Variants in LRRIQ3 observed in about 807,000 individuals in gnomAD.
The protein encoded by LRRIQ3 is leucine rich repeats and IQ motif containing 3.
In LRRIQ3, 75 loss-of-function variants were observed where a neutral mutation model predicts 59.3. That is an observed-to-expected ratio of 1.26 (90% CI 1.05 to 1.53). The LOEUF is 1.53. Among genes scored for constraint, LRRIQ3 ranks in the 40% most tolerant of loss-of-function variants. The pLI, the probability that LRRIQ3 is intolerant of heterozygous loss-of-function variation, is 0.00. For missense variants in LRRIQ3, 831 were observed against 710.0 expected (o/e 1.17, Z -1.94); for synonymous variants, 250 against 231.3 (o/e 1.08, Z -0.73).
chr1:74,080,491 T>C (rs893160159), intron 5 of LRRIQ3, among the ~76,000 whole-genome samples: 2 of 151,706 alleles, frequency 1.3e-5, no homozygotes, highest in African/African-American at 2.4e-5. Flanking sequence ...GTGGTAACCA[T>C]TGCCTCTATC....
chr1:74,104,326 G>C (rs1204117303), intron 5 of LRRIQ3, among the ~76,000 whole-genome samples: 6 of 151,900 alleles, frequency 3.9e-5, no homozygotes, highest in Non-Finnish European at 8.8e-5. Flanking sequence ...TCCAGCAATT[G>C]TATTCCTTGG....
intron 5 of LRRIQ3, chr1:74,109,000 G>A: frequency 3.7e-6 from 1 of 269,806 alleles, no homozygotes; most frequent in Non-Finnish European, 7.2e-6. Context: ...TTTCCACTGG[G>A]TCCTCAAAGC....
intron 3 of LRRIQ3, among the ~76,000 whole-genome samples, chr1:74,160,014 A>C (rs982219576): frequency 6.6e-6 from 1 of 151,856 alleles, no homozygotes; most frequent in African/African-American, 2.4e-5. Flanking sequence ...TAATTCCCCT[A>C]TATTCAATTT....
intron 5 of LRRIQ3, among the ~76,000 whole-genome samples, chr1:74,089,748 T>C (rs1263274890): frequency 6.6e-6 from 1 of 152,058 alleles, no homozygotes; most frequent in African/African-American, 2.4e-5. Flanking sequence ...ATTTAATTAG[T>C]GATGATCGTT....
chr1:74,063,070 A>T (rs994621873), intron 6 of LRRIQ3, among the ~76,000 whole-genome samples: 2 of 150,902 alleles, frequency 1.3e-5, no homozygotes, highest in African/African-American at 4.9e-5. Flanking sequence ...AAAGCAAAAC[A>T]AAACAAAAAA....
intron 4 of LRRIQ3, among the ~76,000 whole-genome samples, chr1:74,122,747 A>G (rs1646878502): frequency 6.6e-6 from 1 of 152,178 alleles, no homozygotes; most frequent in Admixed American, 6.6e-5. Flanking sequence ...CCTAGGCAAT[A>G]CCATTCAGGA....
intron 5 of LRRIQ3, among the ~76,000 whole-genome samples, chr1:74,093,943 C>T (rs943635163): frequency 2.0e-5 from 3 of 152,154 alleles, no homozygotes; most frequent in Middle Eastern, 3.4e-3. Context: ...GGTAGGGCTT[C>T]CATAGACTGA....
chr1:74,094,196 T>C (rs2100523067), intron 5 of LRRIQ3, among the ~76,000 whole-genome samples: 1 of 152,154 alleles, frequency 6.6e-6, no homozygotes, highest in East Asian at 1.9e-4. Flanking sequence ...ATTACTTCTT[T>C]AGAGTCCCCA....
chr1:74,100,561 C>A (rs1378223464), intron 5 of LRRIQ3, among the ~76,000 whole-genome samples: 9 of 152,060 alleles, frequency 5.9e-5, no homozygotes, highest in Admixed American at 2.6e-4. Context: ...AAACTACTTT[C>A]AAGTTCATAT....
At chr1:74,124,153 T>A (rs1646902070) in intron 4 of LRRIQ3, among the ~76,000 whole-genome samples, 1 of 152,006 alleles carries the variant, frequency 6.6e-6, no homozygotes, top group Admixed American at 6.6e-5. Context: ...GTTTTCCATG[T>A]ATATGTCTTC....
chr1:74,138,272 C>T (rs1164594835), intron 4 of LRRIQ3, among the ~76,000 whole-genome samples: 3 of 151,680 alleles, frequency 2.0e-5, no homozygotes, highest in Non-Finnish European at 4.4e-5. Flanking sequence ...GCATAAAGAC[C>T]TTTAGCATTT....
intron 4 of LRRIQ3, among the ~76,000 whole-genome samples, chr1:74,148,569 G>A (rs1406270403): frequency 1.3e-5 from 2 of 152,148 alleles, no homozygotes; most frequent in Non-Finnish European, 2.9e-5. Flanking sequence ...ATAAAGAGAT[G>A]CATAGGGTGT....
intron 5 of LRRIQ3, among the ~76,000 whole-genome samples, chr1:74,106,972 T>C (rs1646624070): frequency 6.6e-6 from 1 of 152,012 alleles, no homozygotes; most frequent in Non-Finnish European, 1.5e-5. Context: ...TCTTCTATTC[T>C]GACCCAGCTG....
intron 1 of LRRIQ3, among the ~76,000 whole-genome samples, chr1:74,185,381 C>A (rs1366554688): frequency 6.6e-6 from 1 of 152,060 alleles, no homozygotes; most frequent in Admixed American, 6.6e-5. Context: ...ATTTGCAATT[C>A]CCTAATAATA....
At chr1:74,100,210 C>T (rs1646510189) in intron 5 of LRRIQ3, among the ~76,000 whole-genome samples, 1 of 152,158 alleles carries the variant, frequency 6.6e-6, no homozygotes, top group South Asian at 2.1e-4. Context: ...TCAGCAAAGT[C>T]TCAGGATACA....
chr1:74,132,529 G>A (rs1413981209), intron 4 of LRRIQ3, among the ~76,000 whole-genome samples: 1 of 151,986 alleles, frequency 6.6e-6, no homozygotes, highest in East Asian at 1.9e-4. Context: ...ATAGACCAAT[G>A]GAACAGAACA....
At position 74,183,637 on chromosome 1, in the gene LRRIQ3, C is replaced by A. The variant is rs186479659; in HGVS notation, c.48G>T (p.Trp16Cys). The A allele has an allele frequency of 5.6e-6, 9 of 1,610,640 alleles. No homozygotes were observed. The Admixed American group carries it at 1.5e-4, about 27-fold the overall frequency. The stretch of plus-strand genomic sequence containing the variant: ...CTCTTATGTTTTCATTATAGTGACT[C>A]CATTCTTCATGACTGGTTAGCTCTT... ...VTEELTSHEE[W>C]SHYNENIREG... The change falls in exon 2 of 8, where the codon TGG becomes TGT. Residue 16 changes from tryptophan (W) to cysteine (C), a missense_variant. Trp to Cys is a radical substitution (Grantham distance 215, BLOSUM62 -2). Coordinates refer to ENST00000354431, the MANE Select transcript of LRRIQ3 (RefSeq NM_001105659.2).
At chr1:74,180,561 C>T in intron 3 of LRRIQ3, 1 of 605,394 alleles carries the variant, frequency 1.7e-6, no homozygotes, top group Non-Finnish European at 2.7e-6. Context: ...TCTTTTCTGT[C>T]CCAGTTATCC....
chr1:74,161,380 A>T (rs1367656908), intron 3 of LRRIQ3, among the ~76,000 whole-genome samples: 1 of 152,066 alleles, frequency 6.6e-6, no homozygotes, highest in Non-Finnish European at 1.5e-5. Context: ...TATGTCTAGA[A>T]TTATCCAGAG....
Sources: gnomAD v4.1 joint callset for allele counts (sites outside exome capture counted in the v4.1 genomes callset) on GRCh38, gnomAD v4.1.1 for gene constraint, MANE v1.5 for transcripts, NCBI Gene and HGNC (gene_info 2026-07-23, HGNC 2026-07-21) for gene names.